SYMPK: variants seen among roughly 807,000 people sequenced by gnomAD.
SYMPK encodes symplekin.
In SYMPK, 49 loss-of-function variants were observed where a neutral mutation model predicts 136.4. The ratio of observed to expected loss-of-function variants is 0.36; its 90% CI spans 0.29 to 0.46. The LOEUF (loss-of-function observed/expected upper bound fraction) is 0.46, where lower values mean the gene tolerates loss of function less well. Among genes scored for constraint, SYMPK ranks in the 20% least tolerant of loss-of-function variants. The probability of loss-of-function intolerance (pLI) is 1.00; values close to 1 mark genes in which losing one functional copy is unlikely to be tolerated. For synonymous variants in SYMPK, 766 were observed against 713.0 expected (o/e 1.07, Z -1.19); for missense variants, 1,365 against 1,690.0 (o/e 0.81, Z 3.37).
intron 7 of SYMPK, 110 bp from the exon 8 acceptor site, chr19:45,844,310 T>C (rs1971511600): frequency 4.8e-6 from 4 of 834,300 alleles, no homozygotes; most frequent in African/African-American, 1.7e-5. Context: ...TAGATGTCTA[T>C]GAATGGCGGG....
chr19:45,816,308 G>A, intron 25 of SYMPK, 125 bp from the exon 26 acceptor site: 1 of 1,139,326 alleles, frequency 8.8e-7, no homozygotes, highest in African/African-American at 1.6e-5. Context: ...GGAAGGGGCA[G>A]TTGTCCCCCA....
intron 23 of SYMPK, among the ~76,000 whole-genome samples, chr19:45,817,415 CTCTTTTTTTTT>C (rs1232493585): frequency 2.0e-5 from 2 of 100,174 alleles, no homozygotes; most frequent in East Asian, 2.9e-4. Context: ...TTTTTTTGTT[CTCTTTTTTTTT>C]TTTTTTTTTT....
chr19:45,827,566 G>A lies in SYMPK; in HGVS notation c.2125C>T (p.Arg709Cys), dbSNP rs771138239. ...LRDLIFKRPS[R>C]QFQYLHVLLD... ...AGGACATGCAGGTACTGGAACTGGC[G>A]GGACGGGCGCTTGAAGATCAGGTCT... Residue 709 changes from arginine to cysteine, a missense_variant, in exon 16 of 27, where the codon CGC becomes TGC. Around this residue, in one of 11 missense-constraint regions of SYMPK, gnomAD observed 303 missense variants for 326.6 expected, o/e 0.93. Coordinates refer to ENST00000245934, the MANE Select transcript of SYMPK (RefSeq NM_004819.3). 9.3e-6 allele frequency: 15 copies of A among 1,614,050 alleles called. No homozygotes were observed. The highest frequency in any genetic ancestry group is 4.5e-5 in the East Asian group (2 of 44,892).
At chr19:45,831,709 C>A in intron 11 of SYMPK, 121 bp from the exon 12 acceptor site, 1 of 704,960 alleles carries the variant, frequency 1.4e-6, no homozygotes, top group Non-Finnish European at 2.2e-6. Flanking sequence ...TTTAAATCCA[C>A]ACAACACTGT....
intron 18 of SYMPK, among the ~76,000 whole-genome samples, chr19:45,824,872 C>T (rs979752089): frequency 2.6e-5 from 4 of 152,202 alleles, no homozygotes; most frequent in South Asian, 2.1e-4. Context: ...CTTGCATCAG[C>T]GTGGAGGGAC....
At chr19:45,857,694 T>C (rs961165370) in intron 1 of SYMPK, among the ~76,000 whole-genome samples, 5 of 151,930 alleles carry the variant, frequency 3.3e-5, no homozygotes, top group Admixed American at 1.3e-4. Context: ...GGTTTCACCA[T>C]GTTAGCCAGG....
chr19:45,824,323 G>A (rs866458108), intron 18 of SYMPK, among the ~76,000 whole-genome samples: 4 of 152,154 alleles, frequency 2.6e-5, no homozygotes, highest in African/African-American at 9.7e-5. Context: ...CAGGAGCCAG[G>A]GCCAGGCTCC....
chr19:45,819,572 T>C (rs4802279), intron 22 of SYMPK: 69,638 of 152,108 alleles, frequency 0.46, 16,457 homozygotes, highest in African/African-American at 0.56. Flanking sequence ...ATGGCCCCTC[T>C]GGGCTGCCCA....
At chr19:45,838,409 A>T (rs1971357467) in intron 10 of SYMPK, 52 bp downstream of exon 10, 12 of 1,575,898 alleles carry the variant, frequency 7.6e-6, no homozygotes, top group Non-Finnish European at 1.0e-5. Flanking sequence ...TGAAAGACCG[A>T]GGAGATCCTT....
At chr19:45,857,096 C>T (rs957252568) in intron 1 of SYMPK, among the ~76,000 whole-genome samples, 6 of 151,492 alleles carry the variant, frequency 4.0e-5, no homozygotes, top group Non-Finnish European at 7.4e-5. Flanking sequence ...CCAGCCTGGA[C>T]GAGAATGAGA....
At chr19:45,837,582 A>G (rs1971330710) in intron 10 of SYMPK, among the ~76,000 whole-genome samples, 1 of 138,550 alleles carries the variant, frequency 7.2e-6, no homozygotes, top group Non-Finnish European at 1.5e-5. Flanking sequence ...GCGCCACTGC[A>G]CTCCAGTCTG....
Position 45,815,594 on chromosome 19 carries a change from T to A in SYMPK, c.3791A>T (p.Asp1264Val). The A allele has an allele frequency of 6.9e-7, 1 of 1,443,212 alleles. No individual in the cohort carries two copies. The highest frequency in any genetic ancestry group is 9.3e-7 in the Non-Finnish European group (1 of 1,076,738). 89.4% of individuals were successfully genotyped at this position (1,443,212 alleles called of 1,614,324 possible). The change falls in exon 27 of 27, where the codon GAC becomes GTC. Residue 1264 changes from aspartate to valine, a missense_variant. By Grantham distance (152) the Asp-to-Val change is radical. Transcript: ENST00000245934. The part of the protein sequence containing the change: ...AMKTPSPAAE[D>V]AREPEAKGNS ...CCCCTTGGCCTCGGGTTCCCTGGCG[T>A]CCTCGGCAGCCGGGCTGGGAGTCTT...
chr19:45,853,613 C>CAAAAA (rs113932332), intron 3 of SYMPK, among the ~76,000 whole-genome samples: 1 of 124,382 alleles, frequency 8.0e-6, no homozygotes, highest in East Asian at 2.4e-4. Context: ...GACTCTGCCT[C>CAAAAA]AAAAAAAAAA....
rs1307476870 is a variant in SYMPK at position 45,832,184 on chromosome 19, AAG to A, written c.1394-598_1394-597del. 2.6e-5 allele frequency among the ~76,000 whole-genome samples: 4 copies of A among 151,846 alleles called. No individual in the cohort carries two copies. The South Asian group carries it at 8.3e-4, about 32-fold the overall frequency. On this transcript the variant is annotated intron_variant, in intron 11 of 26. Transcript: ENST00000245934. ...GGAGACGGAGTCTCACTCCATCACC[AAG>A]GCTGGAGTGCAGTGGCTTGATCCTG...
At chr19:45,825,096 G>A (rs534580697) in intron 18 of SYMPK, 75 bp downstream of exon 18, 456 of 1,549,886 alleles carry the variant, frequency 2.9e-4, no homozygotes, top group African/African-American at 6.4e-4. Flanking sequence ...GGTGGAGCAG[G>A]TTGGGGAAGA....
Position 45,823,754 on chromosome 19 carries a change from T to G in SYMPK, c.2599+13A>C, listed in dbSNP as rs1296162237. On this transcript the variant is annotated intron_variant, in intron 19 of 26. Transcript: ENST00000245934. ...GGAGGAAAGCCATGAAAGGTGGGGG[T>G]CTCCAGGGTCACCTTTGTCTGTGAG... 1.2e-6 allele frequency: 2 copies of G among 1,608,404 alleles called. No individual in the cohort carries two copies. The highest frequency in any genetic ancestry group is 1.7e-5 in the Admixed American group (1 of 59,900).
At chr19:45,845,016 C>T (rs1311919733) in intron 7 of SYMPK, among the ~76,000 whole-genome samples, 3 of 152,126 alleles carry the variant, frequency 2.0e-5, no homozygotes, top group East Asian at 1.9e-4. Context: ...AGCATTTATC[C>T]GTTTTGTTAC....
intron 14 of SYMPK, chr19:45,828,302 T>C (rs556691136): frequency 9.1e-5 from 22 of 242,578 alleles, no homozygotes; most frequent in African/African-American, 1.4e-4. Flanking sequence ...CACCCACACA[T>C]AGAGTTGAGG....
At chr19:45,823,540 G>A in intron 19 of SYMPK, 68 bp from the exon 20 acceptor site, 1 of 1,457,480 alleles carries the variant, frequency 6.9e-7, no homozygotes, top group Non-Finnish European at 9.6e-7. Flanking sequence ...TGGGCACCCA[G>A]GAAAGAGAAG....
Sources: gnomAD v4.1 joint callset for allele counts (sites outside exome capture counted in the v4.1 genomes callset) on GRCh38, gnomAD v4.1.1 for gene constraint, gnomAD v4.1.1 regional missense constraint, MANE v1.5 for transcripts, NCBI Gene and HGNC (gene_info 2026-07-23, HGNC 2026-07-21) for gene names.